Variants in GRK5 observed in about 807,000 individuals in gnomAD.
The protein encoded by GRK5 is g protein-coupled receptor kinase GRK5.
In GRK5, 40 loss-of-function variants were observed where a neutral mutation model predicts 78.4. That is an observed-to-expected ratio of 0.51 (90% CI 0.40 to 0.66). The LOEUF is 0.66. Ranked by LOEUF, GRK5 falls within the 30% of genes least tolerant of loss-of-function variation. The probability of loss-of-function intolerance (pLI) is 0.00; values close to 1 mark genes in which losing one functional copy is unlikely to be tolerated. For missense variants in GRK5, 598 were observed against 759.9 expected (o/e 0.79, Z 2.50); for synonymous variants, 289 against 296.8 (o/e 0.97, Z 0.27).
rs1853405142 is a variant in GRK5 at position 119,456,517 on chromosome 10, C to T, written c.*1450C>T. 6.6e-6 allele frequency: 1 copy of T among 152,248 alleles called. No homozygotes were observed. Among genetic ancestry groups the T allele is most frequent in the Non-Finnish European group, 1.5e-5 (1 of 68,046 alleles). 9.4% of individuals were successfully genotyped at this position (152,248 alleles called of 1,614,324 possible). A position where few individuals can be genotyped will look rare whatever the true frequency, so the allele number is the denominator to read the frequency against. On this transcript the variant is annotated 3_prime_UTR_variant, in exon 16 of 16. Transcript: ENST00000392870. The surrounding 1 kb of genome is among the most constrained non-coding windows in gnomAD (Gnocchi z 5.5). ...GGGCCAATCTGCTCCCACCTCCCGT[C>T]CAGGACAGGGTGAACATTTGACCTC...
chr10:119,454,535 C>T lies in GRK5; in HGVS notation c.1675-434C>T, dbSNP rs546051059. 8.5e-5 allele frequency among the ~76,000 whole-genome samples: 13 copies of T among 152,330 alleles called. No individual in the cohort carries two copies. In the South Asian group the frequency reaches 1.9e-3, roughly 22 times the overall value. On this transcript the variant is annotated intron_variant, in intron 15 of 15. Transcript: ENST00000392870. ...GAACGACCGCCCATCTCTCCCAGGC[C>T]GGCCCTCGCTAGAGCCCTTTGCATA... is the stretch of plus-strand genomic sequence containing the variant.
chr10:119,245,533 A>T (rs755372963), intron 1 of GRK5, among the ~76,000 whole-genome samples: 3 of 152,208 alleles, frequency 2.0e-5, no homozygotes, highest in Non-Finnish European at 2.9e-5. Flanking sequence ...ACAGAAGAAC[A>T]AATAATGCAC....
At chr10:119,299,050 T>C (rs1850130608) in intron 1 of GRK5, among the ~76,000 whole-genome samples, 1 of 152,222 alleles carries the variant, frequency 6.6e-6, no homozygotes, top group African/African-American at 2.4e-5. Flanking sequence ...CCCTGTCTCC[T>C]CTTTCATCTT....
At position 119,343,033 on chromosome 10, in the gene GRK5, G is replaced by T. The variant is rs574674661; in HGVS notation, c.148+16422G>T. Among the ~76,000 whole-genome samples the T allele has an allele frequency of 2.4e-4, 37 of 152,338 alleles. No homozygotes were observed. In the South Asian group the frequency reaches 4.1e-3, roughly 17 times the overall value. The stretch of plus-strand genomic sequence containing the variant: ...TCACCCTGGGCAAGATCCTGTGGAG[G>T]GTCCCAGTGTGGGGCTGGGGGAGGG... On this transcript the variant is annotated intron_variant, in intron 2 of 15. Transcript: ENST00000392870.
intron 1 of GRK5, among the ~76,000 whole-genome samples, chr10:119,314,779 C>T (rs944396135): frequency 5.3e-5 from 8 of 152,202 alleles, no homozygotes; most frequent in African/African-American, 1.7e-4. Context: ...ACCTTGACCT[C>T]GCAGCTCCAG....
At chr10:119,454,918 C>T in intron 15 of GRK5, 51 bp from the exon 16 acceptor site, 1 of 1,260,618 alleles carries the variant, frequency 7.9e-7, no homozygotes. Flanking sequence ...CCAGGGCTCC[C>T]AGGACTGACT....
At chr10:119,313,218 G>A (rs377609506) in intron 1 of GRK5, among the ~76,000 whole-genome samples, 2,542 of 148,274 alleles carry the variant, frequency 0.017, 101 homozygotes, top group African/African-American at 0.059. Context: ...AGTGGTGGTG[G>A]TGACGGTAGT....
chr10:119,337,236 C>T (rs1338197712), intron 2 of GRK5, among the ~76,000 whole-genome samples: 1 of 152,196 alleles, frequency 6.6e-6, no homozygotes, highest in East Asian at 1.9e-4. Context: ...CTCCCATTTC[C>T]AGATAAGTGA....
chr10:119,209,197 C>G lies in GRK5; in HGVS notation c.52+1228C>G, dbSNP rs189296675. ...TTCCATCACCTTGTGGCTCCCTACA[C>G]ACTGTGGGGGTAGGTGATGCATAGC... On this transcript the variant is annotated intron_variant, in intron 1 of 15. Transcript: ENST00000392870. 2.0e-5 allele frequency among the ~76,000 whole-genome samples: 3 copies of G among 152,322 alleles called. No homozygotes were observed. In the East Asian group the frequency reaches 5.8e-4, roughly 29 times the overall value.
intron 1 of GRK5, among the ~76,000 whole-genome samples, chr10:119,223,476 G>A (rs17098563): frequency 0.021 from 3,122 of 152,118 alleles, 75 homozygotes; most frequent in South Asian, 0.062. Context: ...TGAACCAGGC[G>A]TGGGAACTGC....
intron 1 of GRK5, among the ~76,000 whole-genome samples, chr10:119,281,529 G>A (rs1849761961): frequency 6.6e-6 from 1 of 152,182 alleles, no homozygotes; most frequent in Admixed American, 6.5e-5. Context: ...GGATGCTTGT[G>A]ACCACACAGC....
At chr10:119,275,880 C>G (rs141437094) in intron 1 of GRK5, among the ~76,000 whole-genome samples, 1 of 152,134 alleles carries the variant, frequency 6.6e-6, no homozygotes. Context: ...GGGAGGGCCG[C>G]AGGAGTTTGG....
chr10:119,337,784 T>C (rs1421166940), intron 2 of GRK5, among the ~76,000 whole-genome samples: 1 of 152,122 alleles, frequency 6.6e-6, no homozygotes, highest in African/African-American at 2.4e-5. Context: ...TGTGCCCGGC[T>C]AATTTTTTTT....
At position 119,452,439 on chromosome 10, in the gene GRK5, AC is replaced by A; in HGVS notation, c.1405-230del. On this transcript the variant is annotated intron_variant, in intron 13 of 15. Coordinates refer to ENST00000392870, the MANE Select transcript of GRK5 (RefSeq NM_005308.3). This position sits in a 1 kb window ranked among gnomAD's most constrained non-coding sequence, Gnocchi z 4.4. ...TCATCTGGAGGGGTCGCACAAAAAA[AC>A]CACAGGCCATCATCTGAGGTGGACA... is the stretch of plus-strand genomic sequence containing the variant. 1 of 534,628 alleles carries A rather than the reference AC, an allele frequency of 1.9e-6. No homozygotes were observed. The highest frequency in any genetic ancestry group is 2.5e-5 in the South Asian group (1 of 40,478). 33.1% of individuals were successfully genotyped at this position (534,628 alleles called of 1,614,324 possible).
rs371231192 is a variant in GRK5 at position 119,411,842 on chromosome 10, C to T, written c.340-11324C>T. Among the ~76,000 whole-genome samples, 71 of 95,974 alleles carry T rather than the reference C, an allele frequency of 7.4e-4. 1 individual carries two copies. The highest frequency in any genetic ancestry group is 1.7e-3 in the African/African-American group (48 of 27,968). The allele number at this position is 95,974 out of a possible 152,430, so 63.0% of individuals were successfully genotyped here. A position where few individuals can be genotyped will look rare whatever the true frequency, so the allele number is the denominator to read the frequency against. The stretch of plus-strand genomic sequence containing the variant: ...CCTCAGCTTCATTGCAGATCTGCTT[C>T]TTTTTTTTTTTTTTTTTTTTTTTTT... On this transcript the variant is annotated intron_variant, in intron 4 of 15. Transcript: ENST00000392870.
At chr10:119,292,119 CCTCTCCTCA>C (rs1849985412) in intron 1 of GRK5, among the ~76,000 whole-genome samples, 16 of 24,064 alleles carry the variant, frequency 6.6e-4, no homozygotes, top group Middle Eastern at 0.026. Context: ...CCTCTTCCTC[CCTCTCCTCA>C]TCTTCCTCCT....
chr10:119,404,719 G>A (rs1335172908), intron 4 of GRK5, among the ~76,000 whole-genome samples: 1 of 152,196 alleles, frequency 6.6e-6, no homozygotes, highest in Non-Finnish European at 1.5e-5. Flanking sequence ...GAAAGATCAG[G>A]GCCAGGGGGC....
In GRK5 at chr10:119,271,722, G is replaced by A. The variant is rs1360746389; in HGVS notation, c.53-54794G>A. On this transcript the variant is annotated intron_variant, in intron 1 of 15. Coordinates refer to ENST00000392870, the MANE Select transcript of GRK5 (RefSeq NM_005308.3). This position sits in a 1 kb window ranked among gnomAD's most constrained non-coding sequence, Gnocchi z 4.1. ...AAACAGGTGTGTGAGCACTAGGTTG[G>A]TGACGAGGTTTAGCAGCAGGTGGAC... Among the ~76,000 whole-genome samples the A allele has an allele frequency of 1.3e-5, 2 of 152,320 alleles. No individual in the cohort carries two copies. The highest frequency in any genetic ancestry group is 3.9e-4 in the East Asian group (2 of 5,188).
chr10:119,391,464 A>G (rs1429801852), intron 3 of GRK5, among the ~76,000 whole-genome samples: 1 of 152,214 alleles, frequency 6.6e-6, no homozygotes, highest in Non-Finnish European at 1.5e-5. Flanking sequence ...GAGTTTAATG[A>G]GGGCCTATTT....
Sources: gnomAD v4.1 joint callset for allele counts (sites outside exome capture counted in the v4.1 genomes callset) on GRCh38, gnomAD v4.1.1 for gene constraint, Gnocchi (gnomAD v3.1) non-coding constraint, MANE v1.5 for transcripts, NCBI Gene and HGNC (gene_info 2026-07-23, HGNC 2026-07-21) for gene names.